The following PARP6 variants were observed in gnomAD, a reference collection of about 807,000 sequenced individuals.
The protein encoded by PARP6 is protein mono-ADP-ribosyltransferase PARP6.
A neutral mutation model predicts 92.0 loss-of-function variants in PARP6; 27 were observed. The observed-to-expected ratio is 0.29, with a 90% CI of 0.22 to 0.40. The LOEUF (loss-of-function observed/expected upper bound fraction) is 0.40, where lower values mean the gene tolerates loss of function less well. Among genes scored for constraint, PARP6 ranks in the 10% least tolerant of loss-of-function variants. The pLI is 1.00. For missense variants in PARP6, 501 were observed against 784.5 expected (o/e 0.64, Z 4.32); for synonymous variants, 272 against 281.2 (o/e 0.97, Z 0.33).
At chr15:72,261,008 A>AG (rs950617680) in intron 9 of PARP6, among the ~76,000 whole-genome samples, 5 of 151,488 alleles carry the variant, frequency 3.3e-5, no homozygotes, top group African/African-American at 1.2e-4. Flanking sequence ...TGAGAGAGAG[A>AG]AAAAAAAATA....
chr15:72,246,287 C>A (rs1191576605), intron 20 of PARP6, among the ~76,000 whole-genome samples: 1 of 151,984 alleles, frequency 6.6e-6, no homozygotes, highest in East Asian at 1.9e-4. Context: ...GTAGCTGGGA[C>A]TACAGATGTT....
chr15:72,252,666 G>A (rs938330416), intron 16 of PARP6, among the ~76,000 whole-genome samples: 1 of 152,018 alleles, frequency 6.6e-6, no homozygotes, highest in Non-Finnish European at 1.5e-5. Flanking sequence ...TGTATTTTTA[G>A]TAGAAATGGG....
At chr15:72,250,757 T>TG in intron 18 of PARP6, 88 bp downstream of exon 18, 2 of 730,032 alleles carry the variant, frequency 2.7e-6, no homozygotes, top group Non-Finnish European at 4.8e-6. Flanking sequence ...GATGGACACA[T>TG]GTAACACAAA....
At chr15:72,266,348 T>C (rs1254644778) in intron 4 of PARP6, among the ~76,000 whole-genome samples, 1 of 152,204 alleles carries the variant, frequency 6.6e-6, no homozygotes, top group Non-Finnish European at 1.5e-5. Flanking sequence ...TGGTTCTAAG[T>C]GAAGAGCATT....
At position 72,241,696 on chromosome 15, in the gene PARP6, A is replaced by G. The variant is rs2083073769; in HGVS notation, c.1791-139T>C. 1.3e-6 allele frequency: 1 copy of G among 773,834 alleles called. No homozygotes were observed. The highest frequency in any genetic ancestry group is 2.2e-6 in the Non-Finnish European group (1 of 462,032). 47.9% of individuals were successfully genotyped at this position (773,834 alleles called of 1,614,324 possible). ...TTCTCACTGCTTCATAGTGGAAGATATTCAGCTTATCTGGTTTCCTCTAGA... is the reference window on the plus strand; with the variant it reads ...TTCTCACTGCTTCATAGTGGAAGATGTTCAGCTTATCTGGTTTCCTCTAGA... On this transcript the variant is annotated intron_variant, in intron 23 of 23. Coordinates refer to ENST00000569795, the MANE Select transcript of PARP6 (RefSeq NM_001323532.2). This position sits in a 1 kb window ranked among gnomAD's most constrained non-coding sequence, Gnocchi z 4.1.
rs191750437 is a variant in PARP6, at chr15:72,266,882, C to T, written c.4-60G>A. The T allele has an allele frequency of 2.4e-4, 308 of 1,279,602 alleles. 1 individual carries two copies. The African/African-American group carries it at 3.3e-3, about 14-fold the overall frequency. The allele number at this position is 1,279,602 out of a possible 1,614,324, so 79.3% of individuals were successfully genotyped here. A position where few individuals can be genotyped will look rare whatever the true frequency, so the allele number is the denominator to read the frequency against. On this transcript the variant is annotated intron_variant, in intron 3 of 23. Coordinates refer to ENST00000569795, the MANE Select transcript of PARP6 (RefSeq NM_001323532.2). ...AGGTCCCTATTATCCCATGGAAAGG[C>T]GTGGGATGATATGGTGAGGAACAGA...
chr15:72,247,508 C>A (rs2083767884), intron 20 of PARP6, among the ~76,000 whole-genome samples: 2 of 152,202 alleles, frequency 1.3e-5, no homozygotes, highest in Non-Finnish European at 2.9e-5. Flanking sequence ...ATTTATCAAT[C>A]TTTTATGATT....
At chr15:72,253,820 G>A in intron 15 of PARP6, 1 of 510,080 alleles carries the variant, frequency 2.0e-6, no homozygotes, top group Non-Finnish European at 3.8e-6. Context: ...AGAAGATTAG[G>A]CTAAGGAATC....
chr15:72,260,267 A>G (rs1335455803), intron 10 of PARP6, among the ~76,000 whole-genome samples: 1 of 152,220 alleles, frequency 6.6e-6, no homozygotes, highest in Non-Finnish European at 1.5e-5. Flanking sequence ...CAATGAGCAG[A>G]GATCGCCACT....
rs67560148 is a variant in PARP6 at position 72,255,784 on chromosome 15, CTTTTTTTTTTTTTTTTTT to C, written c.1125+663_1125+680del. Among the ~76,000 whole-genome samples, 12 of 92,812 alleles carry C rather than the reference CTTTTTTTTTTTTTTTTTT, an allele frequency of 1.3e-4. 1 individual carries two copies. Among genetic ancestry groups the C allele is most frequent in the Admixed American group, 7.7e-4 (5 of 6,462 alleles). 60.9% of individuals were successfully genotyped at this position (92,812 alleles called of 152,430 possible). On this transcript the variant is annotated intron_variant, in intron 14 of 23. Coordinates refer to ENST00000569795, the MANE Select transcript of PARP6 (RefSeq NM_001323532.2). ...AGTACTTTACATATATTACTTCTCT[CTTTTTTTTTTTTTTTTTT>C]TTTTTTTTTTTTGAGACAGAGTCTC... is the stretch of plus-strand genomic sequence containing the variant.
chr15:72,250,438 C>T (rs1411241858), intron 18 of PARP6: 3 of 312,770 alleles, frequency 9.6e-6, no homozygotes, highest in Admixed American at 4.4e-5. Flanking sequence ...CCAAATATGG[C>T]TTCCAGTTCT....
In PARP6 at chr15:72,265,162, A is replaced by G; in HGVS notation, c.247T>C (p.Ser83Pro). The part of the protein sequence containing the change: ...INISFLDEEV[S>P]TAWKVLRTEP... Reference sequence around the variant, plus strand: ...GTCCGGAGGACCTTCCAGGCTGTAGAGACTTCCTCCTAAAAGAAGAAGGGA... The same window carrying G: ...GTCCGGAGGACCTTCCAGGCTGTAGGGACTTCCTCCTAAAAGAAGAAGGGA... The change falls in exon 7 of 24, where the codon TCT (serine) becomes CCT (proline). Residue 83 changes from serine to proline, a missense_variant. Transcript: ENST00000569795. 2 of 1,610,754 alleles carry G rather than the reference A, an allele frequency of 1.2e-6. No individual in the cohort carries two copies. The highest frequency in any genetic ancestry group is 1.7e-6 in the Non-Finnish European group (2 of 1,177,054).
chr15:72,259,232 C>T (rs2085527330), intron 11 of PARP6, among the ~76,000 whole-genome samples: 1 of 152,148 alleles, frequency 6.6e-6, no homozygotes, highest in Non-Finnish European at 1.5e-5. Context: ...TTTTAAAAAG[C>T]AAATGACCAG....
chr15:72,264,957 C>T, intron 7 of PARP6, 124 bp downstream of exon 7: 1 of 668,944 alleles, frequency 1.5e-6, no homozygotes, highest in South Asian at 1.8e-5. Context: ...TAAAAAGCCC[C>T]TACCAATAGC....
chr15:72,242,374 A>C lies in PARP6; in HGVS notation c.1642-154T>G, dbSNP rs1486466505. Among the ~76,000 whole-genome samples the C allele has an allele frequency of 6.6e-6, 1 of 152,152 alleles. No individual in the cohort carries two copies. Among genetic ancestry groups the C allele is most frequent in the Non-Finnish European group, 1.5e-5 (1 of 68,022 alleles). Reference sequence around the variant, plus strand: ...CGCCCAGAAAATTCTTCTTTCCCATAATCAGTCTGGATAGGGTCACAGCTT... The same window carrying C: ...CGCCCAGAAAATTCTTCTTTCCCATCATCAGTCTGGATAGGGTCACAGCTT... On this transcript the variant is annotated intron_variant, in intron 21 of 23. Transcript: ENST00000569795. This position sits in a 1 kb window ranked among gnomAD's most constrained non-coding sequence, Gnocchi z 4.3.
chr15:72,242,350 G>A lies in PARP6; in HGVS notation c.1642-130C>T, dbSNP rs926779020. On this transcript the variant is annotated intron_variant, in intron 21 of 23. Transcript: ENST00000569795. The surrounding 1 kb of genome is among the most constrained non-coding windows in gnomAD (Gnocchi z 4.3). ...TGGGCTCCCAGCAACACCCCTCGCCGCCCAGAAAATTCTTCTTTCCCATAA... is the reference window on the plus strand; with the variant it reads ...TGGGCTCCCAGCAACACCCCTCGCCACCCAGAAAATTCTTCTTTCCCATAA... 11 of 717,620 alleles carry A rather than the reference G, an allele frequency of 1.5e-5. No homozygotes were observed. The highest frequency in any genetic ancestry group is 5.3e-5 in the African/African-American group (3 of 56,120). 44.5% of individuals were successfully genotyped at this position (717,620 alleles called of 1,614,324 possible). A position where few individuals can be genotyped will look rare whatever the true frequency, so the allele number is the denominator to read the frequency against.
At chr15:72,266,960 C>A in intron 3 of PARP6, 138 bp from the exon 4 acceptor site, 1 of 666,638 alleles carries the variant, frequency 1.5e-6, no homozygotes, top group Non-Finnish European at 2.7e-6. Flanking sequence ...TCCCTTTACA[C>A]CTTTCATGTC....
intron 7 of PARP6, 50 bp downstream of exon 7, chr15:72,265,031 G>T: frequency 8.2e-7 from 1 of 1,220,530 alleles, no homozygotes; most frequent in South Asian, 1.2e-5. Context: ...TTAGGGCTTT[G>T]GATTAGACCA....
At chr15:72,268,324 C>T (rs1184483157) in intron 2 of PARP6, among the ~76,000 whole-genome samples, 1 of 152,226 alleles carries the variant, frequency 6.6e-6, no homozygotes, top group Non-Finnish European at 1.5e-5. Flanking sequence ...AGAGTACCAA[C>T]TCACACCAGA....
Sources: gnomAD v4.1 joint callset for allele counts (sites outside exome capture counted in the v4.1 genomes callset) on GRCh38, gnomAD v4.1.1 for gene constraint, Gnocchi (gnomAD v3.1) non-coding constraint, MANE v1.5 for transcripts, NCBI Gene and HGNC (gene_info 2026-07-23, HGNC 2026-07-21) for gene names.